NBAS: variants seen among roughly 807,000 people sequenced by gnomAD.
NBAS encodes NBAS subunit of NRZ tethering complex, also known as NAG/BC035112 fusion.
Under a neutral mutation model 302.5 loss-of-function variants are expected in NBAS, and 219 were observed. The ratio of observed to expected loss-of-function variants is 0.72; its 90% confidence interval spans 0.65 to 0.81. The LOEUF (loss-of-function observed/expected upper bound fraction) is 0.81. Among genes scored for constraint, NBAS ranks in the 30% least tolerant of loss-of-function variants. NBAS has a pLI of 0.00. For synonymous variants in NBAS, 1,118 were observed against 1,021.6 expected (o/e 1.09, Z -1.80); for missense variants, 2,932 against 2,841.6 (o/e 1.03, Z -0.72).
chr2:15,147,652 T>C, the NBAS span, among the ~76,000 whole-genome samples: 2 of 152,032 alleles, frequency 1.3e-5, no homozygotes, highest in African/African-American at 4.8e-5. Context: ...TCAACCCTAA[T>C]TTGTAGCTAA....
intron 44 of NBAS, among the ~76,000 whole-genome samples, chr2:15,249,195 C>G (rs558947102): frequency 6.6e-6 from 1 of 151,652 alleles, no homozygotes; most frequent in African/African-American, 2.4e-5. Context: ...ATCACATAAA[C>G]AGAACCAATG....
chr2:15,326,069 A>C (rs1306368018), intron 38 of NBAS, among the ~76,000 whole-genome samples: 1 of 152,228 alleles, frequency 6.6e-6, no homozygotes, highest in Non-Finnish European at 1.5e-5. Context: ...TTTACATCTT[A>C]TATTGGTGCA....
rs1051705770 is a variant in NBAS at position 15,206,746 on chromosome 2, C to T, written c.6432+12027G>A. Among the ~76,000 whole-genome samples the T allele has an allele frequency of 3.3e-5, 5 of 152,286 alleles. No homozygotes were observed. In the East Asian group the frequency reaches 9.7e-4, roughly 29 times the overall value. On this transcript the variant is annotated intron_variant, in intron 48 of 51. Transcript: ENST00000281513. ...TGCTTCAGAGAGTGCAAGCCAAGCC[C>T]CAAGACTTGGTGGCTTCTACATGAT...
chr2:14,829,315 T>C, the NBAS span, among the ~76,000 whole-genome samples: 3,314 of 152,256 alleles, frequency 0.022, 43 homozygotes, highest in Middle Eastern at 0.031. Context: ...GTCAGTATTA[T>C]TATTTCCAGA....
chr2:15,386,274 G>C (rs1675291049), intron 28 of NBAS, among the ~76,000 whole-genome samples: 1 of 152,186 alleles, frequency 6.6e-6, no homozygotes, highest in Non-Finnish European at 1.5e-5. Context: ...ATTAAGCTTG[G>C]AGGAGTCAAA....
the NBAS span, among the ~76,000 whole-genome samples, chr2:14,780,147 T>A: frequency 2.8e-4 from 43 of 152,318 alleles, no homozygotes; most frequent in Non-Finnish European, 3.8e-4. Context: ...TCCCCAAACA[T>A]CAGACACTTT....
chr2:15,061,681 C>T, the NBAS span, among the ~76,000 whole-genome samples: 7 of 152,246 alleles, frequency 4.6e-5, no homozygotes, highest in Non-Finnish European at 7.4e-5. Flanking sequence ...CCCAGGACCC[C>T]AATAGCATAC....
rs1016626308 is a variant in NBAS, at chr2:15,561,244, TCTC to T, written c.58_60del (p.Glu20del). The stretch of plus-strand genomic sequence containing the variant: ...TTGACCAACAAGTCATAGAGAATCG[TCTC>T]CTCCTCACCCTCTGCAGTGCCTGGA... On this transcript the variant is annotated inframe_deletion, in exon 1 of 52. Transcript: ENST00000281513. 4 of 1,613,692 alleles carry T rather than the reference TCTC, an allele frequency of 2.5e-6. No individual in the cohort carries two copies. The African/African-American group carries it at 5.3e-5, about 22-fold the overall frequency.
At chr2:14,787,516 G>C in the NBAS span, among the ~76,000 whole-genome samples, 2 of 152,266 alleles carry the variant, frequency 1.3e-5, no homozygotes, top group East Asian at 3.9e-4. Context: ...GGGCAGGCCT[G>C]ATGGTGACAT....
the NBAS span, among the ~76,000 whole-genome samples, chr2:14,851,119 C>A: frequency 7.7e-6 from 1 of 130,370 alleles, no homozygotes. Context: ...AAAAACCCTT[C>A]AAAAAATCAA....
chr2:15,549,630 AGATGGGAG>A (rs985781249), intron 6 of NBAS, among the ~76,000 whole-genome samples: 8 of 152,294 alleles, frequency 5.3e-5, no homozygotes, highest in Non-Finnish European at 1.2e-4. Flanking sequence ...TGGGAAACGT[AGATGGGAG>A]GATCACCTGA....
intron 32 of NBAS, among the ~76,000 whole-genome samples, chr2:15,359,692 G>T (rs777551986): frequency 1.3e-5 from 2 of 151,564 alleles, no homozygotes; most frequent in Non-Finnish European, 2.9e-5. Context: ...AGGCTATCCG[G>T]ACAAAAAAAA....
At chr2:15,354,974 C>A (rs922660042) in intron 33 of NBAS, among the ~76,000 whole-genome samples, 2 of 152,202 alleles carry the variant, frequency 1.3e-5, no homozygotes, top group Non-Finnish European at 2.9e-5. Context: ...ACTGACCCTT[C>A]AGTTAGCCTG....
At chr2:14,805,256 T>C in the NBAS span, among the ~76,000 whole-genome samples, 1 of 152,060 alleles carries the variant, frequency 6.6e-6, no homozygotes, top group African/African-American at 2.4e-5. Flanking sequence ...TTGGGGCATT[T>C]TGGAGGAAGA....
chr2:15,523,281 G>C (rs1662764915), intron 9 of NBAS, among the ~76,000 whole-genome samples: 1 of 152,138 alleles, frequency 6.6e-6, no homozygotes, highest in African/African-American at 2.4e-5. Context: ...GCCTTCCATA[G>C]CCATGGGTTC....
chr2:15,202,058 C>T (rs1665899802), intron 48 of NBAS, among the ~76,000 whole-genome samples: 1 of 152,174 alleles, frequency 6.6e-6, no homozygotes. Flanking sequence ...TTATAAACTG[C>T]TTAAGAATAA....
intron 41 of NBAS, among the ~76,000 whole-genome samples, chr2:15,291,362 C>T (rs570760760): frequency 6.6e-6 from 1 of 152,344 alleles, no homozygotes; most frequent in South Asian, 2.1e-4. Context: ...GATTAAAAGA[C>T]ATTTATACAA....
At chr2:15,270,475 C>T (rs1213766098) in intron 44 of NBAS, among the ~76,000 whole-genome samples, 19 of 152,078 alleles carry the variant, frequency 1.2e-4, no homozygotes, top group Non-Finnish European at 1.5e-5. Context: ...TCTTTAACTT[C>T]TAATATGATA....
the NBAS span, among the ~76,000 whole-genome samples, chr2:14,974,474 G>C: frequency 6.6e-6 from 1 of 152,214 alleles, no homozygotes; most frequent in Non-Finnish European, 1.5e-5. Context: ...TGTGCAAGTT[G>C]ATCAGCCAAT....
Sources: allele counts gnomAD v4.1 joint callset (sites outside exome capture counted in the v4.1 genomes callset), GRCh38; gene constraint gnomAD v4.1.1; transcripts MANE v1.5; gene names NCBI Gene and HGNC (gene_info 2026-07-23, HGNC 2026-07-21).